SLC7A5: variants seen among roughly 807,000 people sequenced by gnomAD.
SLC7A5 encodes the protein solute carrier family 7 member 5, also known as large neutral amino acids transporter small subunit 1.
A neutral mutation model predicts 50.2 loss-of-function variants in SLC7A5; 23 were observed. That is an observed-to-expected ratio of 0.46 (90% CI 0.33 to 0.65). The LOEUF (loss-of-function observed/expected upper bound fraction) is 0.65, where lower values mean the gene tolerates loss of function less well. Ranked by LOEUF, SLC7A5 falls within the 30% of genes least tolerant of loss-of-function variation. The probability of loss-of-function intolerance (pLI) is 0.02; values close to 1 mark genes in which losing one functional copy is unlikely to be tolerated. For missense variants in SLC7A5, 578 were observed against 684.4 expected, an observed-to-expected ratio of 0.84 and a Z score of 1.73; for synonymous variants, 393 against 330.6, an observed-to-expected ratio of 1.19 and a Z score of -2.05.
At position 87,869,497 on chromosome 16, in the gene SLC7A5, C is replaced by T. The variant is rs2055508065; in HGVS notation, c.-75G>A. 6 of 1,108,920 alleles carry T rather than the reference C, an allele frequency of 5.4e-6. No individual in the cohort carries two copies. Among genetic ancestry groups the T allele is most frequent in the Middle Eastern group, 3.8e-4 (1 of 2,660 alleles). The allele number at this position is 1,108,920 out of a possible 1,614,324, so 68.7% of individuals were successfully genotyped here. A position where few individuals can be genotyped will look rare whatever the true frequency, so the allele number is the denominator to read the frequency against. ...AGCAGTGTGCGCGCCGCCCGCCGCC[C>T]GCAGCTGCGTCAGGAACCCCGCCCG... On this transcript the variant is annotated 5_prime_UTR_variant, in exon 1 of 10. Transcript: ENST00000261622.
At position 87,834,442 on chromosome 16, in the gene SLC7A5, G is replaced by C. The variant is rs532078127; in HGVS notation, c.1440C>G (p.Asn480Lys). Residue 480 changes from asparagine (N) to lysine (K), a missense_variant, in exon 9 of 10, where the codon AAC becomes AAG. By Grantham distance (94) the Asn-to-Lys change is moderately conservative (BLOSUM62 0). Around this residue, in one of 2 missense-constraint regions of SLC7A5, gnomAD observed 465 missense variants for 594.6 expected, o/e 0.78. Transcript: ENST00000261622. ...TGCCCTGGAGGAGCCACTTGGGCTT[G>C]TTTTTCCACCAGACCCCGAAGAAGT... is the stretch of plus-strand genomic sequence containing the variant. ...PVYFFGVWWK[N>K]KPKWLLQGIF... 3 of 1,558,280 alleles carry C rather than the reference G, an allele frequency of 1.9e-6. No homozygotes were observed. The Admixed American group carries it at 5.8e-5, about 30-fold the overall frequency.
intron 2 of SLC7A5, among the ~76,000 whole-genome samples, chr16:87,849,270 G>A (rs1205047726): frequency 6.6e-6 from 1 of 152,174 alleles, no homozygotes; most frequent in Non-Finnish European, 1.5e-5. Context: ...GGAGAAAGGG[G>A]TCAACACAAT....
intron 1 of SLC7A5, 60 bp from the exon 2 acceptor site, chr16:87,851,909 G>C (rs1257514512): frequency 1.1e-5 from 17 of 1,608,438 alleles, no homozygotes; most frequent in Middle Eastern, 4.1e-4. Flanking sequence ...CTCAGGGGTA[G>C]GCTGGGAGGT....
Position 87,832,707 on chromosome 16 carries a change from G to A in SLC7A5, c.*263C>T. The A allele has an allele frequency of 3.0e-6, 1 of 338,640 alleles. No individual in the cohort carries two copies. Among genetic ancestry groups the A allele is most frequent in the Non-Finnish European group, 5.5e-6 (1 of 180,784 alleles). The allele number at this position is 338,640 out of a possible 1,614,324, so 21.0% of individuals were successfully genotyped here. A position where few individuals can be genotyped will look rare whatever the true frequency, so the allele number is the denominator to read the frequency against. ...ATATATATATAAGTAAACAAAGGAG[G>A]GAAGGGAAAAAGGGCCCAAGGAGAC... On this transcript the variant is annotated 3_prime_UTR_variant, in exon 10 of 10. Transcript: ENST00000261622. The surrounding 1 kb of genome is among the most constrained non-coding windows in gnomAD (Gnocchi z 4.6).
intron 2 of SLC7A5, among the ~76,000 whole-genome samples, chr16:87,848,671 C>T (rs2055182650): frequency 6.6e-6 from 1 of 152,204 alleles, no homozygotes; most frequent in Non-Finnish European, 1.5e-5. Flanking sequence ...CCTCCCAGCC[C>T]GCATCTCAGG....
At chr16:87,863,982 T>TAA (rs200874231) in intron 1 of SLC7A5, among the ~76,000 whole-genome samples, 32 of 107,906 alleles carry the variant, frequency 3.0e-4, no homozygotes, top group Middle Eastern at 4.1e-3. Flanking sequence ...TGTGATCATT[T>TAA]AAAAATATAT....
At chr16:87,834,388 G>A (rs756942407) in intron 9 of SLC7A5, 26 bp downstream of exon 9, 78 of 1,550,406 alleles carry the variant, frequency 5.0e-5, no homozygotes, top group Non-Finnish European at 6.2e-5. Context: ...AGGGTACCAC[G>A]GGCTGTGGGC....
chr16:87,850,068 C>T (rs1158314390), intron 2 of SLC7A5, among the ~76,000 whole-genome samples: 1 of 152,240 alleles, frequency 6.6e-6, no homozygotes, highest in African/African-American at 2.4e-5. Context: ...CCCCTGCAGG[C>T]CCAGGTTACC....
At chr16:87,834,299 C>T (rs2054968725) in intron 9 of SLC7A5, 115 bp downstream of exon 9, 1 of 1,045,624 alleles carries the variant, frequency 9.6e-7, no homozygotes, top group South Asian at 1.4e-5. Flanking sequence ...GACCTGAACC[C>T]TCCTGCCACC....
At chr16:87,847,327 C>G (rs1257766591) in intron 2 of SLC7A5, among the ~76,000 whole-genome samples, 1 of 152,222 alleles carries the variant, frequency 6.6e-6, no homozygotes, top group Non-Finnish European at 1.5e-5. Flanking sequence ...GAAACATCGT[C>G]TGGGGGCTGG....
At position 87,852,830 on chromosome 16, in the gene SLC7A5, C is replaced by T. The variant is rs556729861; in HGVS notation, c.539-981G>A. On this transcript the variant is annotated intron_variant, in intron 1 of 9. Transcript: ENST00000261622. This position sits in a 1 kb window ranked among gnomAD's most constrained non-coding sequence, Gnocchi z 4.5. ...CTGTGAGCTGGTGGGGAAACAGCCA[C>T]CCCCACAACTTAAAATGAAGTAAAA... Among the ~76,000 whole-genome samples, 147 of 152,096 alleles carry T rather than the reference C, an allele frequency of 9.7e-4. No homozygotes were observed. Among genetic ancestry groups the T allele is most frequent in the African/African-American group, 3.3e-3 (137 of 41,482 alleles).
chr16:87,834,451 C>A lies in SLC7A5; in HGVS notation c.1431G>T (p.Trp477Cys), dbSNP rs750754665. 7.0e-6 allele frequency: 11 copies of A among 1,560,698 alleles called. No individual in the cohort carries two copies. The South Asian group carries it at 8.3e-5, about 12-fold the overall frequency. Residue 477 changes from tryptophan to cysteine, a missense_variant, in exon 9 of 10, where the codon TGG becomes TGT. Coordinates refer to ENST00000261622, the MANE Select transcript of SLC7A5 (RefSeq NM_003486.7). The stretch of plus-strand genomic sequence containing the variant: ...GGAGCCACTTGGGCTTGTTTTTCCA[C>A]CAGACCCCGAAGAAGTAGACGGGCA... ...SGLPVYFFGV[W>C]WKNKPKWLLQ... is the part of the protein sequence containing the mutation.
At chr16:87,868,093 G>A (rs1486659855) in intron 1 of SLC7A5, among the ~76,000 whole-genome samples, 3 of 149,084 alleles carry the variant, frequency 2.0e-5, no homozygotes, top group East Asian at 1.9e-4. Context: ...TCCAGCCTGG[G>A]CGACTGAGCG....
At chr16:87,851,167 G>A (rs2055217888) in intron 2 of SLC7A5, among the ~76,000 whole-genome samples, 1 of 152,216 alleles carries the variant, frequency 6.6e-6, no homozygotes, top group South Asian at 2.1e-4. Flanking sequence ...TCTGAGTGAT[G>A]GGGTTACCAC....
intron 2 of SLC7A5, among the ~76,000 whole-genome samples, chr16:87,847,945 T>C (rs955951515): frequency 3.3e-5 from 5 of 152,122 alleles, no homozygotes; most frequent in East Asian, 1.9e-4. Flanking sequence ...GCCCTACTCA[T>C]AGGTGTAGGT....
rs5818649 is a variant in SLC7A5, at chr16:87,833,857, C to CT, written c.1468+556dup. 6.3e-3 allele frequency among the ~76,000 whole-genome samples: 886 copies of CT among 141,570 alleles called. 10 individuals are homozygous for CT. Among genetic ancestry groups the CT allele is most frequent in the Non-Finnish European group, 0.011 (723 of 65,150 alleles). 92.9% of individuals were successfully genotyped at this position (141,570 alleles called of 152,430 possible). On this transcript the variant is annotated intron_variant, in intron 9 of 9. Coordinates refer to ENST00000261622, the MANE Select transcript of SLC7A5 (RefSeq NM_003486.7). The surrounding 1 kb of genome is among the most constrained non-coding windows in gnomAD (Gnocchi z 6.0). ...CCGGGGGGCGGGTTTCTCCTTCTGC[C>CT]TTTTTTTTTTTTTTTGAGAAGAGTC...
rs199711492 is a variant in SLC7A5 at position 87,867,853 on chromosome 16, C to A, written c.538+1032G>T. Among the ~76,000 whole-genome samples, 75 of 152,292 alleles carry A rather than the reference C, an allele frequency of 4.9e-4. 1 individual carries two copies. In the East Asian group the frequency reaches 0.011, roughly 22 times the overall value. On this transcript the variant is annotated intron_variant, in intron 1 of 9. Transcript: ENST00000261622. ...TTTTGAGGCCGGGCACGGTGGCTCA[C>A]GCCTGTAATCCCAGCACTTTGGGAG...
intron 1 of SLC7A5, among the ~76,000 whole-genome samples, chr16:87,867,458 G>T (rs1387338654): frequency 6.6e-6 from 1 of 152,184 alleles, no homozygotes; most frequent in African/African-American, 2.4e-5. Context: ...CCTGCATGGT[G>T]GTGCGGCTGC....
rs2055243182 is a variant in SLC7A5, at chr16:87,852,494, G to A, written c.539-645C>T. Among the ~76,000 whole-genome samples, 1 of 152,192 alleles carries A rather than the reference G, an allele frequency of 6.6e-6. No individual in the cohort carries two copies. The highest frequency in any genetic ancestry group is 1.5e-5 in the Non-Finnish European group (1 of 68,032). On this transcript the variant is annotated intron_variant, in intron 1 of 9. Coordinates refer to ENST00000261622, the MANE Select transcript of SLC7A5 (RefSeq NM_003486.7). The surrounding 1 kb of genome is among the most constrained non-coding windows in gnomAD (Gnocchi z 4.5). ...GATGAAACCCAAAATAGCACCGTGT[G>A]CTTCAGAAGCCTGAGTGACCCCACA...
Sources: gnomAD v4.1 joint callset for allele counts (sites outside exome capture counted in the v4.1 genomes callset) on GRCh38, gnomAD v4.1.1 for gene constraint, gnomAD v4.1.1 regional missense constraint, Gnocchi (gnomAD v3.1) non-coding constraint, MANE v1.5 for transcripts, NCBI Gene and HGNC (gene_info 2026-07-23, HGNC 2026-07-21) for gene names.